HGSNAT: variants seen among roughly 807,000 people sequenced by gnomAD.
HGSNAT encodes transmembrane protein 76.
Under a neutral mutation model 85.2 loss-of-function variants are expected in HGSNAT, and 59 were observed. The observed-to-expected ratio is 0.69, with a 90% CI of 0.56 to 0.86. The LOEUF (loss-of-function observed/expected upper bound fraction) is 0.86, where lower values mean the gene tolerates loss of function less well. HGSNAT is among the 40% of genes least tolerant of loss of function. The pLI is 0.00. For missense variants in HGSNAT, 756 were observed against 777.1 expected (o/e 0.97, Z 0.32); for synonymous variants, 321 against 304.5 (o/e 1.05, Z -0.56).
intron 2 of HGSNAT, among the ~76,000 whole-genome samples, chr8:43,151,227 A>G (rs916124484): frequency 3.3e-5 from 5 of 152,220 alleles, no homozygotes; most frequent in African/African-American, 1.2e-4. Context: ...TGAGCTGAAT[A>G]ATGTCAGGGA....
At position 43,140,569 on chromosome 8, in the gene HGSNAT, C is replaced by T; in HGVS notation, c.73C>T (p.Pro25Ser). The T allele has an allele frequency of 8.2e-7, 1 of 1,224,380 alleles. No homozygotes were observed. The highest frequency in any genetic ancestry group is 1.0e-6 in the Non-Finnish European group (1 of 975,952). 75.8% of individuals were successfully genotyped at this position (1,224,380 alleles called of 1,614,324 possible). ...ASVLSAALLA[P>S]GGSSGRDAQA... ...CGTGCTGAGCGCCGCGCTGCTGGCC[C>T]CCGGCGGCTCTTCGGGGCGCGATGC... The change falls in exon 1 of 18, where the codon CCC becomes TCC. Residue 25 changes from proline to serine, a missense_variant. Transcript: ENST00000379644.
At chr8:43,148,564 G>A (rs912295568) in intron 2 of HGSNAT, among the ~76,000 whole-genome samples, 1 of 151,660 alleles carries the variant, frequency 6.6e-6, no homozygotes, top group African/African-American at 2.4e-5. Flanking sequence ...AAGGAGGGTG[G>A]ATCACCTGAG....
chr8:43,167,979 C>T (rs190749071), intron 5 of HGSNAT: 139 of 251,242 alleles, frequency 5.5e-4, no homozygotes, highest in African/African-American at 3.2e-3. Flanking sequence ...AGTGCGGTGG[C>T]ACCATCTCGG....
At chr8:43,198,437 G>A (rs1245350048) in intron 17 of HGSNAT, among the ~76,000 whole-genome samples, 11 of 151,802 alleles carry the variant, frequency 7.2e-5, no homozygotes, top group South Asian at 2.1e-4. Flanking sequence ...ACAGGCGCCC[G>A]CCACCACGCC....
Position 43,140,632 on chromosome 8 carries a change from A to G in HGSNAT, c.118+18A>G, listed in dbSNP as rs1802485849. 2 of 1,158,036 alleles carry G rather than the reference A, an allele frequency of 1.7e-6. No homozygotes were observed. The highest frequency in any genetic ancestry group is 4.0e-5 in the Admixed American group (1 of 24,718). The allele number at this position is 1,158,036 out of a possible 1,614,324, so 71.7% of individuals were successfully genotyped here. A position where few individuals can be genotyped will look rare whatever the true frequency, so the allele number is the denominator to read the frequency against. On this transcript the variant is annotated intron_variant, in intron 1 of 17. Transcript: ENST00000379644. ...GCCACGAGGTGAGTGCACACCTCCT[A>G]CCGCCGCCCGGCCGGCTACGAGCGC...
At chr8:43,176,927 A>G (rs559488973) in intron 9 of HGSNAT, among the ~76,000 whole-genome samples, 188 of 152,314 alleles carry the variant, frequency 1.2e-3, no homozygotes, top group African/African-American at 4.4e-3. Flanking sequence ...TTTGTTGATC[A>G]GTTCTAATAG....
chr8:43,178,594 C>CTT (rs58996359), intron 10 of HGSNAT, among the ~76,000 whole-genome samples: 1,834 of 96,862 alleles, frequency 0.019, 46 homozygotes, highest in African/African-American at 0.063. Flanking sequence ...CATCAGCTTT[C>CTT]TTTTTTTTTT....
chr8:43,174,899 G>A (rs867734659), intron 9 of HGSNAT, among the ~76,000 whole-genome samples: 13 of 151,654 alleles, frequency 8.6e-5, no homozygotes, highest in African/African-American at 2.7e-4. Flanking sequence ...CATTAACCAC[G>A]CCCCCTCCTT....
At chr8:43,183,637 A>AT (rs1009126622) in intron 11 of HGSNAT, among the ~76,000 whole-genome samples, 16 of 151,516 alleles carry the variant, frequency 1.1e-4, no homozygotes, top group Non-Finnish European at 2.1e-4. Context: ...CTCCCAGCTA[A>AT]TTTTTTTTTA....
chr8:43,148,229 C>G (rs1036501855), intron 2 of HGSNAT, among the ~76,000 whole-genome samples: 8 of 151,754 alleles, frequency 5.3e-5, no homozygotes, highest in African/African-American at 1.9e-4. Flanking sequence ...GCAACAAAAG[C>G]GAAACTCTGT....
At chr8:43,178,256 T>A in intron 10 of HGSNAT, 22 bp downstream of exon 10, 1 of 1,470,536 alleles carries the variant, frequency 6.8e-7, no homozygotes, top group South Asian at 1.5e-5. Flanking sequence ...TTCCCTCTGT[T>A]ATATATATTC....
intron 8 of HGSNAT, among the ~76,000 whole-genome samples, chr8:43,172,716 A>G (rs1181886006): frequency 2.0e-5 from 3 of 152,206 alleles, no homozygotes; most frequent in Non-Finnish European, 4.4e-5. Context: ...TATGCCTTCT[A>G]TTACAGCCAC....
At chr8:43,151,626 T>C (rs1311007872) in intron 2 of HGSNAT, among the ~76,000 whole-genome samples, 1 of 152,210 alleles carries the variant, frequency 6.6e-6, no homozygotes, top group Non-Finnish European at 1.5e-5. Context: ...CTCATACTTC[T>C]GCACAACAAA....
At chr8:43,150,628 TC>T (rs1802877148) in intron 2 of HGSNAT, among the ~76,000 whole-genome samples, 1 of 152,066 alleles carries the variant, frequency 6.6e-6, no homozygotes, top group African/African-American at 2.4e-5. Context: ...GGTCAGGAGA[TC>T]GAGACCATCC....
intron 2 of HGSNAT, among the ~76,000 whole-genome samples, chr8:43,147,360 C>G (rs1180377165): frequency 6.6e-6 from 1 of 152,092 alleles, no homozygotes; most frequent in African/African-American, 2.4e-5. Flanking sequence ...CTTGCTGGAC[C>G]AGAGAAGGAA....
chr8:43,173,793 C>T, intron 9 of HGSNAT, 50 bp downstream of exon 9: 2 of 1,584,058 alleles, frequency 1.3e-6, no homozygotes, highest in African/African-American at 2.7e-5. Context: ...CTCCAATCTC[C>T]TGTTTTTCAG....
intron 11 of HGSNAT, among the ~76,000 whole-genome samples, chr8:43,184,002 A>C (rs1308153862): frequency 6.6e-6 from 1 of 152,184 alleles, no homozygotes; most frequent in Non-Finnish European, 1.5e-5. Context: ...TCCATGGTGT[A>C]TATGTGCCAC....
At chr8:43,148,262 A>G (rs11777408) in intron 2 of HGSNAT, among the ~76,000 whole-genome samples, 1 of 151,954 alleles carries the variant, frequency 6.6e-6, no homozygotes, top group African/African-American at 2.4e-5. Context: ...AAAAGAAAAA[A>G]TTTTTATTGC....
intron 2 of HGSNAT, 104 bp from the exon 3 acceptor site, chr8:43,158,471 A>AG: frequency 8.4e-7 from 1 of 1,184,088 alleles, no homozygotes; most frequent in East Asian, 2.4e-5. Flanking sequence ...ATAAGTATGA[A>AG]GGAAAAGTCA....
Sources: allele counts gnomAD v4.1 joint callset (sites outside exome capture counted in the v4.1 genomes callset), GRCh38; gene constraint gnomAD v4.1.1; transcripts MANE v1.5; gene names NCBI Gene and HGNC (gene_info 2026-07-23, HGNC 2026-07-21).